Variants in MAGI2 observed in about 807,000 individuals in gnomAD.
MAGI2 encodes membrane associated guanylate kinase, WW and PDZ domain containing 2.
Under a neutral mutation model 133.3 loss-of-function variants are expected in MAGI2, and 35 were observed. That is an observed-to-expected ratio of 0.26 (90% CI 0.20 to 0.35). MAGI2 has a LOEUF of 0.35. Ranked by LOEUF, MAGI2 falls within the 10% of genes least tolerant of loss-of-function variation. The pLI, the probability that MAGI2 is intolerant of heterozygous loss-of-function variation, is 1.00. For missense variants in MAGI2, 1,636 were observed against 1,863.4 expected (o/e 0.88, Z 2.25); for synonymous variants, 729 against 710.6 (o/e 1.03, Z -0.41).
At chr7:79,201,793 C>T (rs1468439441) in intron 1 of MAGI2, among the ~76,000 whole-genome samples, 1 of 151,816 alleles carries the variant, frequency 6.6e-6, no homozygotes, top group Non-Finnish European at 1.5e-5. Flanking sequence ...AAATTGTTGT[C>T]CATGTTTACC....
intron 1 of MAGI2, among the ~76,000 whole-genome samples, chr7:79,330,783 CAT>C (rs1261047206): frequency 2.0e-5 from 3 of 152,064 alleles, no homozygotes; most frequent in East Asian, 3.9e-4. Context: ...ACATATTAAA[CAT>C]AATAATTTTA....
chr7:78,521,147 T>C (rs1024279460), intron 4 of MAGI2, among the ~76,000 whole-genome samples: 2 of 152,030 alleles, frequency 1.3e-5, no homozygotes, highest in Admixed American at 6.5e-5. Flanking sequence ...TATTATATAA[T>C]TGAAATAAAA....
intron 2 of MAGI2, among the ~76,000 whole-genome samples, chr7:78,877,271 C>T (rs963854857): frequency 6.6e-6 from 1 of 152,168 alleles, no homozygotes; most frequent in African/African-American, 2.4e-5. Flanking sequence ...TAATAAAATA[C>T]TGTACTTATC....
intron 1 of MAGI2, among the ~76,000 whole-genome samples, chr7:79,272,860 C>T (rs1425980679): frequency 1.3e-5 from 2 of 151,998 alleles, no homozygotes; most frequent in African/African-American, 2.4e-5. Flanking sequence ...TGCCACCACT[C>T]GAATTCGAGA....
At chr7:78,860,114 G>C (rs767415816) in intron 2 of MAGI2, among the ~76,000 whole-genome samples, 1 of 152,076 alleles carries the variant, frequency 6.6e-6, no homozygotes, top group Admixed American at 6.6e-5. Context: ...TCTTCTCTAC[G>C]CTGTTTATTC....
intron 3 of MAGI2, among the ~76,000 whole-genome samples, chr7:78,626,500 T>C (rs1808360716): frequency 6.6e-6 from 1 of 152,200 alleles, no homozygotes; most frequent in Admixed American, 6.5e-5. Context: ...TGGCTTATGT[T>C]TCAGTGCTTC....
At chr7:78,989,748 T>C (rs914719410) in intron 2 of MAGI2, among the ~76,000 whole-genome samples, 3 of 152,002 alleles carry the variant, frequency 2.0e-5, no homozygotes, top group African/African-American at 7.2e-5. Context: ...ACTGGTTGAG[T>C]CTCAACATGA....
intron 1 of MAGI2, among the ~76,000 whole-genome samples, chr7:79,301,593 G>A (rs894375656): frequency 6.6e-6 from 1 of 152,150 alleles, no homozygotes; most frequent in Non-Finnish European, 1.5e-5. Context: ...AGAAAGACTT[G>A]CTTTGCCTCA....
At chr7:78,717,725 T>A (rs1220519458) in intron 2 of MAGI2, among the ~76,000 whole-genome samples, 1 of 152,194 alleles carries the variant, frequency 6.6e-6, no homozygotes, top group Non-Finnish European at 1.5e-5. Context: ...TTTGAAGTAT[T>A]ATTATTTTCA....
intron 3 of MAGI2, among the ~76,000 whole-genome samples, chr7:78,581,345 A>G (rs551747941): frequency 1.3e-5 from 2 of 152,280 alleles, no homozygotes; most frequent in South Asian, 4.1e-4. Flanking sequence ...GCCATTTTAT[A>G]CATATACATA....
chr7:78,056,216 C>A (rs1435342015), intron 21 of MAGI2, among the ~76,000 whole-genome samples: 1 of 152,162 alleles, frequency 6.6e-6, no homozygotes, highest in African/African-American at 2.4e-5. Context: ...ATAATGTCCT[C>A]AAGGTTCATT....
intron 2 of MAGI2, among the ~76,000 whole-genome samples, chr7:78,945,897 G>GAGAT (rs1801380110): frequency 6.6e-6 from 1 of 152,140 alleles, no homozygotes; most frequent in South Asian, 2.1e-4. Context: ...GAATAGCCCA[G>GAGAT]AGATAGTCCT....
intron 1 of MAGI2, among the ~76,000 whole-genome samples, chr7:79,358,950 T>C (rs1038184475): frequency 6.6e-6 from 1 of 152,138 alleles, no homozygotes; most frequent in African/African-American, 2.4e-5. Context: ...ATGCCAAGAA[T>C]ACAGTCAGAA....
In MAGI2 at chr7:78,897,146, C is replaced by T. The variant is rs146863663; in HGVS notation, c.418+109944G>A. ...AACTCTCTAGTTTTAGAAAAGTTCA[C>T]CTTAAACATATTTATCATATTTATC... On this transcript the variant is annotated intron_variant, in intron 2 of 21. Coordinates refer to ENST00000354212, the MANE Select transcript of MAGI2 (RefSeq NM_012301.4). 3.9e-3 allele frequency among the ~76,000 whole-genome samples: 589 copies of T among 152,202 alleles called. 2 individuals are homozygous for T. The highest frequency in any genetic ancestry group is 5.6e-3 in the Admixed American group (86 of 15,272).
At chr7:78,529,665 A>C (rs1797271629) in intron 3 of MAGI2, among the ~76,000 whole-genome samples, 1 of 64,714 alleles carries the variant, frequency 1.5e-5, no homozygotes, top group African/African-American at 5.8e-5. Context: ...GCTAAAGGAG[A>C]TGGTTTTTTT....
intron 10 of MAGI2, among the ~76,000 whole-genome samples, chr7:78,205,317 A>G (rs1829631888): frequency 6.6e-6 from 1 of 152,162 alleles, no homozygotes; most frequent in East Asian, 1.9e-4. Context: ...TTTTTAGTAG[A>G]GATGGGGTTT....
chr7:78,780,820 G>A (rs117619349), intron 2 of MAGI2, among the ~76,000 whole-genome samples: 5 of 152,242 alleles, frequency 3.3e-5, no homozygotes, highest in African/African-American at 7.2e-5. Context: ...CCTATGGCCC[G>A]GCCTTTCTTA....
intron 15 of MAGI2, 61 bp downstream of exon 15, chr7:78,167,855 G>A: frequency 6.6e-7 from 1 of 1,510,458 alleles, no homozygotes. Flanking sequence ...GCCTTACCAT[G>A]TCTCACAAAA....
intron 6 of MAGI2, among the ~76,000 whole-genome samples, chr7:78,428,754 C>T (rs1490552447): frequency 2.0e-5 from 3 of 152,112 alleles, no homozygotes; most frequent in South Asian, 2.1e-4. Flanking sequence ...TAGTTTCACA[C>T]GTATATTTCT....
Sources: gnomAD v4.1 joint callset for allele counts (sites outside exome capture counted in the v4.1 genomes callset) on GRCh38, gnomAD v4.1.1 for gene constraint, MANE v1.5 for transcripts, NCBI Gene and HGNC (gene_info 2026-07-23, HGNC 2026-07-21) for gene names.